SUGCT: variants seen among roughly 807,000 people sequenced by gnomAD.
The protein encoded by SUGCT is succinyl-CoA:glutarate-CoA transferase, also known as succinyl-CoA:glutarate CoA-transferase.
Under a neutral mutation model 55.0 loss-of-function variants are expected in SUGCT, and 41 were observed. That is an observed-to-expected ratio of 0.74 (90% CI 0.58 to 0.97). The LOEUF (loss-of-function observed/expected upper bound fraction) is 0.97, where lower values mean the gene tolerates loss of function less well. SUGCT is among the 50% of genes least tolerant of loss of function. SUGCT has a pLI of 0.00. For synonymous variants in SUGCT, 187 were observed against 200.4 expected (o/e 0.93, Z 0.56); for missense variants, 568 against 547.8 (o/e 1.04, Z -0.37).
intron 1 of SUGCT, among the ~76,000 whole-genome samples, chr7:40,161,435 C>T (rs1191616253): frequency 6.6e-6 from 1 of 152,192 alleles, no homozygotes; most frequent in African/African-American, 2.4e-5. Flanking sequence ...CCACTGTCTT[C>T]ATCCACCCCA....
chr7:40,924,265 C>T, the SUGCT span, among the ~76,000 whole-genome samples: 3 of 136,018 alleles, frequency 2.2e-5, no homozygotes, highest in Admixed American at 7.4e-5. Flanking sequence ...CTTTCAATTA[C>T]GTGTGTGTGT....
At chr7:40,222,986 TTTCCTTCCTTCCTTCCTTCC>T (rs200277908) in intron 6 of SUGCT, among the ~76,000 whole-genome samples, 21 of 94,054 alleles carry the variant, frequency 2.2e-4, no homozygotes, top group Admixed American at 8.8e-4. Context: ...TTTTCATTTC[TTTCCTTCCTTCCTTCCTTCC>T]TTCCTTCCTT....
intron 12 of SUGCT, among the ~76,000 whole-genome samples, chr7:40,707,249 T>A (rs1203738): frequency 0.085 from 12,742 of 150,232 alleles, 1,726 homozygotes; most frequent in African/African-American, 0.29. Flanking sequence ...TTTTTTTTTT[T>A]AAAAAGGCAG....
chr7:40,969,251 G>A, the SUGCT span, among the ~76,000 whole-genome samples: 4 of 152,142 alleles, frequency 2.6e-5, no homozygotes, highest in Non-Finnish European at 4.4e-5. Context: ...GAAACACTGT[G>A]TTATACTCTG....
intron 13 of SUGCT, among the ~76,000 whole-genome samples, chr7:40,762,020 TG>T (rs1471978757): frequency 6.6e-6 from 1 of 152,072 alleles, no homozygotes; most frequent in Non-Finnish European, 1.5e-5. Flanking sequence ...AGACCTCCAG[TG>T]GGGGGCGGTG....
intron 9 of SUGCT, among the ~76,000 whole-genome samples, chr7:40,337,804 G>A (rs1448156614): frequency 6.6e-6 from 1 of 151,850 alleles, no homozygotes; most frequent in Admixed American, 6.6e-5. Flanking sequence ...ATGTTAGCTG[G>A]TTATTTTGCT....
At chr7:40,974,096 C>A in the SUGCT span, among the ~76,000 whole-genome samples, 2 of 152,192 alleles carry the variant, frequency 1.3e-5, no homozygotes, top group African/African-American at 4.8e-5. Flanking sequence ...TTTGTCCCCA[C>A]ACCAGGGATG....
chr7:40,162,155 C>G (rs1471256417), intron 1 of SUGCT, among the ~76,000 whole-genome samples: 1 of 152,158 alleles, frequency 6.6e-6, no homozygotes, highest in Non-Finnish European at 1.5e-5. Flanking sequence ...CTCGGCCTCC[C>G]AAAGCTCTGG....
At chr7:40,681,628 G>A (rs891924429) in intron 12 of SUGCT, among the ~76,000 whole-genome samples, 2 of 152,110 alleles carry the variant, frequency 1.3e-5, no homozygotes, top group Non-Finnish European at 2.9e-5. Context: ...TTTAAAGGCA[G>A]GCACAAATTT....
At chr7:40,573,498 T>G (rs575218763) in intron 12 of SUGCT, among the ~76,000 whole-genome samples, 5 of 149,090 alleles carry the variant, frequency 3.4e-5, no homozygotes, top group Non-Finnish European at 7.4e-5. Flanking sequence ...GTAACACACA[T>G]ACGCTCATGC....
In SUGCT at chr7:40,369,061, G is replaced by A. The variant is rs1438035555; in HGVS notation, c.816+52206G>A. Among the ~76,000 whole-genome samples, 5 of 151,672 alleles carry A rather than the reference G, an allele frequency of 3.3e-5. No individual in the cohort carries two copies. In the East Asian group the frequency reaches 7.8e-4, roughly 24 times the overall value. On this transcript the variant is annotated intron_variant, in intron 9 of 13. Coordinates refer to ENST00000335693, the MANE Select transcript of SUGCT (RefSeq NM_001193313.2). Reference sequence around the variant, plus strand: ...GGAGGTTGCAGTGAGCTGAGATCACGCCATTGTACTCCAGCCTGGGTAACA... The same window carrying A: ...GGAGGTTGCAGTGAGCTGAGATCACACCATTGTACTCCAGCCTGGGTAACA...
At chr7:40,391,533 A>G (rs79486579) in intron 9 of SUGCT, among the ~76,000 whole-genome samples, 1 of 152,138 alleles carries the variant, frequency 6.6e-6, no homozygotes, top group Non-Finnish European at 1.5e-5. Flanking sequence ...ACATGAAAAA[A>G]TGCTCAGCAT....
chr7:40,844,422 G>A (rs1793451827), intron 13 of SUGCT, among the ~76,000 whole-genome samples: 1 of 152,118 alleles, frequency 6.6e-6, no homozygotes, highest in African/African-American at 2.4e-5. Flanking sequence ...GGGGGACAGA[G>A]TGGGAAGATA....
At chr7:40,341,181 A>G (rs558542351) in intron 9 of SUGCT, among the ~76,000 whole-genome samples, 3 of 152,320 alleles carry the variant, frequency 2.0e-5, no homozygotes, top group African/African-American at 7.2e-5. Context: ...TCTCATTCAT[A>G]TTAGTAAACT....
intron 11 of SUGCT, among the ~76,000 whole-genome samples, chr7:40,476,796 T>G (rs1259784945): frequency 6.6e-6 from 1 of 151,000 alleles, no homozygotes; most frequent in Non-Finnish European, 1.5e-5. Context: ...AGATTTATAG[T>G]TCTCATTCTT....
intron 9 of SUGCT, among the ~76,000 whole-genome samples, chr7:40,442,105 C>A (rs1788547532): frequency 6.6e-6 from 1 of 152,098 alleles, no homozygotes; most frequent in Admixed American, 6.6e-5. Flanking sequence ...CGTCTTTTGA[C>A]TTCTGAAATA....
At chr7:40,227,759 A>G (rs1788465058) in intron 6 of SUGCT, among the ~76,000 whole-genome samples, 1 of 152,012 alleles carries the variant, frequency 6.6e-6, no homozygotes, top group Non-Finnish European at 1.5e-5. Flanking sequence ...CATCCAGGCC[A>G]GGTGCTGTGG....
chr7:40,948,609 C>G, the SUGCT span, among the ~76,000 whole-genome samples: 1 of 151,992 alleles, frequency 6.6e-6, no homozygotes, highest in Non-Finnish European at 1.5e-5. Context: ...TCCCCTTTCC[C>G]CCACCCGCCG....
intron 11 of SUGCT, among the ~76,000 whole-genome samples, 172 bp downstream of exon 11, chr7:40,459,370 T>A (rs1020810974): frequency 2.6e-5 from 4 of 152,150 alleles, no homozygotes. Context: ...TTTGTTTGTT[T>A]GTTTAGAAGC....
Sources: gnomAD v4.1 joint callset for allele counts (sites outside exome capture counted in the v4.1 genomes callset) on GRCh38, gnomAD v4.1.1 for gene constraint, MANE v1.5 for transcripts, NCBI Gene and HGNC (gene_info 2026-07-23, HGNC 2026-07-21) for gene names.